Variants in SUMF1 observed in about 807,000 individuals in gnomAD.
SUMF1 encodes the protein formylglycine-generating enzyme.
SUMF1 carries 48 observed loss-of-function variants against 47.6 expected under a neutral mutation model. The observed-to-expected ratio is 1.01, with a 90% CI of 0.80 to 1.28. The LOEUF (loss-of-function observed/expected upper bound fraction) is 1.28, where lower values mean the gene tolerates loss of function less well. Among genes scored for constraint, SUMF1 ranks in the 50% most tolerant of loss-of-function variants. SUMF1 has a pLI of 0.00. For missense variants in SUMF1, 571 were observed against 485.4 expected, an observed-to-expected ratio of 1.18 and a Z score of -1.66; for synonymous variants, 230 against 192.1, an observed-to-expected ratio of 1.20 and a Z score of -1.63.
At chr3:4,371,485 G>A (rs752671625) in intron 8 of SUMF1, among the ~76,000 whole-genome samples, 2 of 152,148 alleles carry the variant, frequency 1.3e-5, no homozygotes, top group Non-Finnish European at 2.9e-5. Context: ...AAAGATAATT[G>A]TAACTCATGT....
At chr3:4,223,601 G>C (rs960845888) in intron 8 of SUMF1, among the ~76,000 whole-genome samples, 1 of 152,216 alleles carries the variant, frequency 6.6e-6, no homozygotes, top group South Asian at 2.1e-4. Context: ...GGTTGCTCTT[G>C]TTCCCTAGAA....
At chr3:4,136,308 A>G (rs1466393827) in intron 8 of SUMF1, among the ~76,000 whole-genome samples, 5 of 152,128 alleles carry the variant, frequency 3.3e-5, no homozygotes, top group African/African-American at 1.2e-4. Flanking sequence ...GCCCTCAGAA[A>G]TAATACCACA....
chr3:4,102,869 G>C lies in SUMF1; in HGVS notation c.1015-34124C>G, dbSNP rs372211841. On this transcript the variant is annotated intron_variant and NMD_transcript_variant, in intron 8 of 12. Transcript: ENST00000448413. ...AAGAGGAAAGACAGGGAGAAGAAGA[G>C]AGAGGAAAGGAGAAAGAGGCAGAAG... is the stretch of plus-strand genomic sequence containing the variant. 1.8e-4 allele frequency among the ~76,000 whole-genome samples: 27 copies of C among 151,822 alleles called. No individual in the cohort carries two copies. The East Asian group carries it at 3.3e-3, about 19-fold the overall frequency.
chr3:4,036,628 A>AAC (rs2125014178), intron 9 of SUMF1, among the ~76,000 whole-genome samples: 1 of 150,298 alleles, frequency 6.7e-6, no homozygotes, highest in South Asian at 2.1e-4. Context: ...AAAAAAAAAA[A>AAC]AACAGAGCTG....
chr3:4,243,195 G>A (rs534066461), intron 8 of SUMF1, among the ~76,000 whole-genome samples: 1 of 151,948 alleles, frequency 6.6e-6, no homozygotes, highest in African/African-American at 2.4e-5. Flanking sequence ...CTATTTTGTT[G>A]ATCTTTTCAA....
At chr3:4,295,660 G>A (rs1414663060) in intron 8 of SUMF1, among the ~76,000 whole-genome samples, 5 of 152,230 alleles carry the variant, frequency 3.3e-5, no homozygotes, top group East Asian at 1.9e-4. Context: ...TATGTTTTCC[G>A]TGAGTGAAAT....
intron 8 of SUMF1, among the ~76,000 whole-genome samples, chr3:4,087,439 C>T (rs950423062): frequency 6.6e-6 from 1 of 152,056 alleles, no homozygotes; most frequent in Non-Finnish European, 1.5e-5. Context: ...CTGAGGGTCA[C>T]CTAAAGCTCA....
At chr3:4,372,625 G>A (rs1046813646) in intron 8 of SUMF1, among the ~76,000 whole-genome samples, 2 of 152,032 alleles carry the variant, frequency 1.3e-5, no homozygotes, top group African/African-American at 4.8e-5. Flanking sequence ...ATATATGTTG[G>A]TTCATTTACT....
chr3:4,117,877 C>A (rs568965147), intron 8 of SUMF1, among the ~76,000 whole-genome samples: 1 of 151,890 alleles, frequency 6.6e-6, no homozygotes, highest in Non-Finnish European at 1.5e-5. Flanking sequence ...CAAGTTGAGA[C>A]GGCATGACAG....
At chr3:4,253,280 A>G (rs1324068500) in intron 8 of SUMF1, among the ~76,000 whole-genome samples, 1 of 152,212 alleles carries the variant, frequency 6.6e-6, no homozygotes, top group African/African-American at 2.4e-5. Context: ...GAATAGGAAC[A>G]GCTCCGGTCT....
At chr3:4,236,495 T>A (rs188590894) in intron 8 of SUMF1, among the ~76,000 whole-genome samples, 34 of 152,228 alleles carry the variant, frequency 2.2e-4, no homozygotes, top group Non-Finnish European at 1.0e-4. Flanking sequence ...GGCACCTGCC[T>A]ATAGTCCCAG....
intron 8 of SUMF1, among the ~76,000 whole-genome samples, chr3:4,156,896 T>C (rs923401533): frequency 6.6e-6 from 1 of 151,730 alleles, no homozygotes; most frequent in Admixed American, 6.5e-5. Context: ...GAATGAGTAA[T>C]GCTGCTGATT....
chr3:4,313,426 A>G (rs776319334), intron 8 of SUMF1: 1 of 1,614,062 alleles, frequency 6.2e-7, no homozygotes, highest in Non-Finnish European at 8.5e-7. Context: ...TTGTGAGCCA[A>G]ACCTTTTGAT....
chr3:4,294,992 A>G (rs1697820816), intron 8 of SUMF1, among the ~76,000 whole-genome samples: 1 of 152,228 alleles, frequency 6.6e-6, no homozygotes, highest in East Asian at 1.9e-4. Flanking sequence ...ATAATGAAAA[A>G]GAAAAGAGCT....
intron 8 of SUMF1, among the ~76,000 whole-genome samples, chr3:4,195,808 T>C (rs919415834): frequency 4.6e-5 from 7 of 152,140 alleles, no homozygotes; most frequent in Non-Finnish European, 8.8e-5. Flanking sequence ...TTCACTCTTC[T>C]TGAACACTAA....
chr3:4,224,497 G>A (rs747208238), intron 8 of SUMF1, among the ~76,000 whole-genome samples: 4 of 152,020 alleles, frequency 2.6e-5, no homozygotes, highest in Admixed American at 6.6e-5. Flanking sequence ...CACAGAGATA[G>A]ACAGATGACC....
intron 8 of SUMF1, among the ~76,000 whole-genome samples, chr3:4,139,349 A>G (rs1291327606): frequency 6.6e-6 from 1 of 151,904 alleles, no homozygotes; most frequent in African/African-American, 2.4e-5. Flanking sequence ...ATCAACTGCA[A>G]CCATAGCTTG....
At chr3:4,076,348 A>G (rs1206167371) in intron 8 of SUMF1, among the ~76,000 whole-genome samples, 1 of 152,154 alleles carries the variant, frequency 6.6e-6, no homozygotes, top group African/African-American at 2.4e-5. Context: ...TTAACTGAAC[A>G]TGGATTAAAA....
At chr3:4,086,455 A>G (rs57528272) in intron 8 of SUMF1, among the ~76,000 whole-genome samples, 20,250 of 151,996 alleles carry the variant, frequency 0.13, 2,988 homozygotes, top group African/African-American at 0.35. Context: ...ACACTAGGGA[A>G]TTAGAAGACC....
Sources: allele counts gnomAD v4.1 joint callset (sites outside exome capture counted in the v4.1 genomes callset), GRCh38; gene constraint gnomAD v4.1.1; transcripts MANE v1.5; gene names NCBI Gene and HGNC (gene_info 2026-07-23, HGNC 2026-07-21).